Variants in TPTE observed in about 807,000 individuals in gnomAD.
TPTE encodes the protein putative tyrosine-protein phosphatase TPTE.
In TPTE, 59 loss-of-function variants were observed where a neutral mutation model predicts 84.1. The ratio of observed to expected loss-of-function variants is 0.70; its 90% CI spans 0.57 to 0.87. The LOEUF (loss-of-function observed/expected upper bound fraction) is 0.87, where lower values mean the gene tolerates loss of function less well. TPTE is among the 40% of genes least tolerant of loss of function. The pLI, the probability that TPTE is intolerant of heterozygous loss-of-function variation, is 0.00. For synonymous variants in TPTE, 130 were observed against 223.5 expected, an observed-to-expected ratio of 0.58 and a Z score of 3.73; for missense variants, 382 against 659.6, an observed-to-expected ratio of 0.58 and a Z score of 4.61.
intron 7 of TPTE, among the ~76,000 whole-genome samples, chr21:10,549,894 G>GA (rs1221346655): frequency 6.6e-6 from 1 of 152,302 alleles, no homozygotes; most frequent in African/African-American, 2.4e-5. Context: ...AAAATCAAAA[G>GA]ACAAAGATTT....
At chr21:10,596,759 G>C (rs2075596565) in intron 20 of TPTE, among the ~76,000 whole-genome samples, 1 of 152,428 alleles carries the variant, frequency 6.6e-6, no homozygotes, top group South Asian at 2.1e-4. Context: ...GCCAGTGCTG[G>C]GTGCTATAGG....
chr21:10,562,501 CAAAG>C (rs1318964444), intron 10 of TPTE, among the ~76,000 whole-genome samples: 5 of 152,418 alleles, frequency 3.3e-5, no homozygotes, highest in South Asian at 4.1e-4. Context: ...GAAGGAAACT[CAAAG>C]AAATTCAAGA....
intron 10 of TPTE, among the ~76,000 whole-genome samples, chr21:10,565,092 A>C (rs1291851998): frequency 6.6e-6 from 1 of 152,310 alleles, no homozygotes; most frequent in Non-Finnish European, 1.5e-5. Context: ...CAGATGATAC[A>C]TTTTATTTGG....
intron 2 of TPTE, among the ~76,000 whole-genome samples, chr21:10,525,212 G>A (rs996466204): frequency 5.3e-5 from 8 of 152,302 alleles, no homozygotes; most frequent in African/African-American, 1.9e-4. Flanking sequence ...TAGTGAAATT[G>A]GCGGCTTACA....
At chr21:10,524,142 G>C (rs1383802428) in intron 1 of TPTE, among the ~76,000 whole-genome samples, 1 of 152,276 alleles carries the variant, frequency 6.6e-6, no homozygotes, top group African/African-American at 2.4e-5. Flanking sequence ...CTCAATAGGA[G>C]GTAAAGACCT....
intron 14 of TPTE, among the ~76,000 whole-genome samples, chr21:10,576,915 A>G (rs2075166091): frequency 6.6e-6 from 1 of 152,008 alleles, no homozygotes; most frequent in Non-Finnish European, 1.5e-5. Flanking sequence ...TCTTCATTTA[A>G]AAAAATAAAG....
At chr21:10,522,024 G>A (rs1372862488) in intron 1 of TPTE, among the ~76,000 whole-genome samples, 2 of 152,362 alleles carry the variant, frequency 1.3e-5, no homozygotes, top group South Asian at 2.1e-4. Flanking sequence ...TGAGGAAATG[G>A]CCTAGGAGCC....
chr21:10,572,924 C>T (rs1450388970), intron 14 of TPTE, among the ~76,000 whole-genome samples: 1 of 152,242 alleles, frequency 6.6e-6, no homozygotes, highest in African/African-American at 2.4e-5. Flanking sequence ...AAGAAAAGAA[C>T]AAAGGATATA....
At chr21:10,545,973 TACACATATATAG>T (rs1436262377) in intron 7 of TPTE, among the ~76,000 whole-genome samples, 9 of 152,204 alleles carry the variant, frequency 5.9e-5, no homozygotes, top group Admixed American at 5.2e-4. Flanking sequence ...TATGTATATA[TACACATATATAG>T]TTTATATATA....
In TPTE at chr21:10,533,498, G is replaced by C. The variant is rs533622001; in HGVS notation, c.-43-5183G>C. On this transcript the variant is annotated intron_variant, in intron 3 of 23. Transcript: ENST00000618007. ...CTCAGATATCTAATCATGTTGGTTT[G>C]TGAACTCAGATTTTTTGTGGCTATT... 7.9e-5 allele frequency among the ~76,000 whole-genome samples: 12 copies of C among 152,422 alleles called. No individual in the cohort carries two copies. In the East Asian group the frequency reaches 2.3e-3, roughly 29 times the overall value.
chr21:10,550,010 A>C (rs1446828612), intron 7 of TPTE, among the ~76,000 whole-genome samples: 1 of 152,308 alleles, frequency 6.6e-6, no homozygotes, highest in African/African-American at 2.4e-5. Flanking sequence ...GGGATGATAC[A>C]TTCGAAGTTC....
At chr21:10,556,068 G>A (rs926589452) in intron 8 of TPTE, among the ~76,000 whole-genome samples, 35 of 152,410 alleles carry the variant, frequency 2.3e-4, no homozygotes, top group Non-Finnish European at 4.3e-4. Flanking sequence ...TATACTGTAA[G>A]TTCTAGGGTG....
intron 8 of TPTE, among the ~76,000 whole-genome samples, chr21:10,553,937 TTTA>T (rs1301343902): frequency 6.6e-6 from 1 of 152,308 alleles, no homozygotes; most frequent in Non-Finnish European, 1.5e-5. Context: ...GTAAATAGGT[TTTA>T]TTCTAAAAAC....
At chr21:10,546,018 G>A (rs533777140) in intron 7 of TPTE, among the ~76,000 whole-genome samples, 1 of 152,404 alleles carries the variant, frequency 6.6e-6, no homozygotes, top group South Asian at 2.1e-4. Flanking sequence ...TGTATATGCA[G>A]GTATATCTTG....
chr21:10,553,215 T>C, intron 8 of TPTE, among the ~76,000 whole-genome samples: 1 of 152,310 alleles, frequency 6.6e-6, no homozygotes, highest in South Asian at 2.1e-4. Flanking sequence ...TGCACTGACC[T>C]GAAGGCATTT....
At chr21:10,592,944 C>T (rs1260526800) in intron 19 of TPTE, among the ~76,000 whole-genome samples, 1 of 152,312 alleles carries the variant, frequency 6.6e-6, no homozygotes, top group African/African-American at 2.4e-5. Context: ...TTACATATCT[C>T]ATTTAATACC....
chr21:10,563,363 T>C (rs1373309239), intron 10 of TPTE, among the ~76,000 whole-genome samples: 5 of 152,312 alleles, frequency 3.3e-5, no homozygotes. Context: ...CAGAATGTCA[T>C]AACACTGTAA....
intron 18 of TPTE, among the ~76,000 whole-genome samples, chr21:10,591,714 G>A (rs2075480162): frequency 6.6e-6 from 1 of 152,310 alleles, no homozygotes; most frequent in Non-Finnish European, 1.5e-5. Flanking sequence ...CAGGTTGCTT[G>A]GTTTTGTTTT....
At chr21:10,545,852 C>T (rs547703618) in intron 7 of TPTE, among the ~76,000 whole-genome samples, 93 of 151,798 alleles carry the variant, frequency 6.1e-4, no homozygotes, top group African/African-American at 2.1e-3. Context: ...TAGATATATT[C>T]TTTAGCACTA....
Sources: allele counts gnomAD v4.1 joint callset (sites outside exome capture counted in the v4.1 genomes callset), GRCh38; gene constraint gnomAD v4.1.1; transcripts MANE v1.5; gene names NCBI Gene and HGNC (gene_info 2026-07-23, HGNC 2026-07-21).